Variants in GUCY2F observed in about 807,000 individuals in gnomAD.
GUCY2F encodes guanylate cyclase 2F, retinal.
In GUCY2F, 61 loss-of-function variants were observed where a neutral mutation model predicts 73.1. The observed-to-expected ratio is 0.83, with a 90% confidence interval of 0.68 to 1.03. The LOEUF (loss-of-function observed/expected upper bound fraction) is 1.03, where lower values mean the gene tolerates loss of function less well. GUCY2F is among the 50% of genes least tolerant of loss of function. GUCY2F has a pLI of 0.00. For missense variants in GUCY2F, 912 were observed against 854.3 expected, an observed-to-expected ratio of 1.07 and a Z score of -0.84; for synonymous variants, 331 against 307.8, an observed-to-expected ratio of 1.08 and a Z score of -0.79.
intron 3 of GUCY2F, among the ~76,000 whole-genome samples, chrX:109,455,074 A>G (rs1407073720): frequency 3.6e-5 from 4 of 111,811 alleles, no homozygotes; most frequent in Non-Finnish European, 7.5e-5. Context: ...GGAGTTTTCA[A>G]CACCAGCTGC....
chrX:109,411,828 A>G (rs765052639), intron 8 of GUCY2F, among the ~76,000 whole-genome samples: 1 of 112,382 alleles, frequency 8.9e-6, no homozygotes, highest in South Asian at 3.7e-4. Context: ...ACCCAAGGAA[A>G]GTATAAAGAA....
At chrX:109,432,828 G>T (rs1440526118) in intron 7 of GUCY2F, among the ~76,000 whole-genome samples, 2 of 112,153 alleles carry the variant, frequency 1.8e-5, no homozygotes, top group East Asian at 2.8e-4. Context: ...AGGAGAGGGG[G>T]TGAGAAGTCG....
At chrX:109,441,610 G>T in intron 6 of GUCY2F, 128 bp from the exon 7 acceptor site, 1 of 426,133 alleles carries the variant, frequency 2.3e-6, no homozygotes, top group East Asian at 4.2e-5. Context: ...ACATGAGATT[G>T]ATTCATTTTC....
At chrX:109,441,781 C>T (rs916094738) in intron 6 of GUCY2F, among the ~76,000 whole-genome samples, 5 of 109,490 alleles carry the variant, frequency 4.6e-5, no homozygotes, top group African/African-American at 1.7e-4. Flanking sequence ...GGGACCCTCA[C>T]TTTATAGACA....
At chrX:109,378,307 TA>T (rs1477522802) in intron 17 of GUCY2F, among the ~76,000 whole-genome samples, 1 of 111,437 alleles carries the variant, frequency 9.0e-6, no homozygotes, top group Admixed American at 9.6e-5. Context: ...CACCAAATTT[TA>T]AATGCTCTTC....
At chrX:109,387,108 C>T (rs1603379004) in intron 15 of GUCY2F, among the ~76,000 whole-genome samples, 1 of 111,775 alleles carries the variant, frequency 8.9e-6, no homozygotes, top group East Asian at 2.8e-4. Context: ...TGGTAAGAGG[C>T]AAGAGTGAAA....
intron 7 of GUCY2F, among the ~76,000 whole-genome samples, chrX:109,438,405 AT>A (rs1931800581): frequency 8.9e-6 from 1 of 112,834 alleles, no homozygotes. Flanking sequence ...ACATCTTAAT[AT>A]CATCACATCA....
intron 8 of GUCY2F, 97 bp from the exon 9 acceptor site, chrX:109,409,265 T>A: frequency 6.3e-6 from 3 of 476,596 alleles, no homozygotes; most frequent in East Asian, 7.0e-5. Context: ...CTTCTTATGA[T>A]TGGTTGTGTG....
At chrX:109,417,195 A>G (rs1465838881) in intron 8 of GUCY2F, among the ~76,000 whole-genome samples, 1 of 111,425 alleles carries the variant, frequency 9.0e-6, no homozygotes, top group Non-Finnish European at 1.9e-5. Flanking sequence ...GAAATAGTAA[A>G]TATGTTGATA....
At chrX:109,399,842 A>G (rs1930796974) in intron 10 of GUCY2F, among the ~76,000 whole-genome samples, 1 of 110,246 alleles carries the variant, frequency 9.1e-6, no homozygotes, top group Non-Finnish European at 1.9e-5. Flanking sequence ...GCAAAAGAAC[A>G]AGAGGCAGAA....
rs745470034 is a variant in GUCY2F, at chrX:109,386,014, C to G, written c.2957-732G>C. 1.3e-4 allele frequency among the ~76,000 whole-genome samples: 14 copies of G among 111,000 alleles called. No homozygotes were observed. In the East Asian group the frequency reaches 3.1e-3, roughly 25 times the overall value. ...AGGGGGTCTCACCATATTTCCCACG[C>G]TGGTATCGAACTCCTGAGCTCAAGT... On this transcript the variant is annotated intron_variant, in intron 15 of 19. Transcript: ENST00000218006.
intron 6 of GUCY2F, among the ~76,000 whole-genome samples, chrX:109,444,344 A>G (rs1931947327): frequency 8.9e-6 from 1 of 112,500 alleles, no homozygotes. Context: ...CACCCAGCCA[A>G]CTAATTAAAT....
At chrX:109,386,761 G>A in intron 15 of GUCY2F, among the ~76,000 whole-genome samples, 1 of 111,964 alleles carries the variant, frequency 8.9e-6, no homozygotes, top group Middle Eastern at 4.6e-3. Flanking sequence ...AGATTTATTG[G>A]CTGTCTGATT....
At chrX:109,474,137 C>A (rs1404685671) in intron 2 of GUCY2F, among the ~76,000 whole-genome samples, 1 of 112,021 alleles carries the variant, frequency 8.9e-6, no homozygotes, top group Non-Finnish European at 1.9e-5. Context: ...AAACAGGCTT[C>A]TGATTATAGG....
chrX:109,469,197 G>A (rs1475590941), intron 2 of GUCY2F, among the ~76,000 whole-genome samples: 2 of 111,259 alleles, frequency 1.8e-5, no homozygotes, highest in Non-Finnish European at 3.8e-5. Flanking sequence ...TCTTTATATT[G>A]TGGCACCAAC....
intron 8 of GUCY2F, 47 bp downstream of exon 8, chrX:109,430,260 A>G (rs1218575541): frequency 2.9e-6 from 2 of 685,533 alleles, no homozygotes; most frequent in Non-Finnish European, 4.7e-6. Context: ...ACTTTGGAGA[A>G]CAGATTTATT....
At chrX:109,410,609 C>T (rs1303580634) in intron 8 of GUCY2F, among the ~76,000 whole-genome samples, 4 of 112,417 alleles carry the variant, frequency 3.6e-5, no homozygotes, top group Non-Finnish European at 7.5e-5. Flanking sequence ...GATAAAATCA[C>T]TGTCCCGAAA....
At chrX:109,450,407 G>A (rs781069805) in intron 5 of GUCY2F, among the ~76,000 whole-genome samples, 90 of 111,380 alleles carry the variant, frequency 8.1e-4, no homozygotes, top group African/African-American at 2.7e-3. Flanking sequence ...TGTCAGTTGC[G>A]GCGGTTGACA....
intron 2 of GUCY2F, among the ~76,000 whole-genome samples, chrX:109,470,968 T>G (rs775971474): frequency 8.0e-5 from 9 of 112,324 alleles, no homozygotes; most frequent in Non-Finnish European, 1.5e-4. Context: ...TTGGATGACA[T>G]AGTCCATACA....
Sources: gnomAD v4.1 joint callset for allele counts (sites outside exome capture counted in the v4.1 genomes callset) on GRCh38, gnomAD v4.1.1 for gene constraint, MANE v1.5 for transcripts, NCBI Gene and HGNC (gene_info 2026-07-23, HGNC 2026-07-21) for gene names.